RFC3: variants seen among roughly 807,000 people sequenced by gnomAD.
RFC3 encodes A1 38 kDa subunit.
RFC3 carries 41 observed loss-of-function variants against 45.1 expected under a neutral mutation model. That is an observed-to-expected ratio of 0.91 (90% CI 0.71 to 1.18). The LOEUF is 1.18. RFC3 is among the 50% of genes most tolerant of loss of function. RFC3 has a pLI of 0.00. For missense variants in RFC3, 423 were observed against 428.1 expected (o/e 0.99, Z 0.10); for synonymous variants, 149 against 144.0 (o/e 1.03, Z -0.25).
intron 8 of RFC3, among the ~76,000 whole-genome samples, chr13:33,877,075 A>G (rs1297637027): frequency 6.6e-6 from 1 of 152,232 alleles, no homozygotes; most frequent in African/African-American, 2.4e-5. Flanking sequence ...TTACTAAATC[A>G]GGCTAAGTGC....
chr13:33,925,890 G>T (rs1039999334), intron 8 of RFC3, among the ~76,000 whole-genome samples: 4 of 151,842 alleles, frequency 2.6e-5, no homozygotes, highest in African/African-American at 9.7e-5. Context: ...TATCAAATAA[G>T]AATGTAAAGA....
chr13:33,905,913 G>A (rs1023192204), intron 8 of RFC3, among the ~76,000 whole-genome samples: 1 of 152,026 alleles, frequency 6.6e-6, no homozygotes, highest in South Asian at 2.1e-4. Context: ...AGTCTTAAAG[G>A]CATATTGATA....
At chr13:33,905,002 T>C (rs574241346) in intron 8 of RFC3, among the ~76,000 whole-genome samples, 1 of 152,254 alleles carries the variant, frequency 6.6e-6, no homozygotes, top group African/African-American at 2.4e-5. Context: ...GCAATTATCT[T>C]TGGTGGAAAG....
chr13:33,933,152 A>G (rs1013078619), intron 8 of RFC3, among the ~76,000 whole-genome samples: 7 of 152,160 alleles, frequency 4.6e-5, no homozygotes, highest in African/African-American at 1.4e-4. Flanking sequence ...CAAACAATAC[A>G]TTCTTCAGAT....
At chr13:33,902,449 TATTA>T (rs2082647459) in intron 8 of RFC3, among the ~76,000 whole-genome samples, 1 of 152,100 alleles carries the variant, frequency 6.6e-6, no homozygotes, top group African/African-American at 2.4e-5. Flanking sequence ...CCATGTCACT[TATTA>T]ATTATATGGA....
the RFC3 span, among the ~76,000 whole-genome samples, chr13:33,971,679 A>G: frequency 1.3e-5 from 2 of 152,258 alleles, no homozygotes; most frequent in Admixed American, 6.5e-5. Flanking sequence ...TCATCACAAG[A>G]ACATACCAAG....
intron 4 of RFC3, among the ~76,000 whole-genome samples, chr13:33,827,345 G>A (rs2082059637): frequency 6.6e-6 from 1 of 152,128 alleles, no homozygotes; most frequent in Non-Finnish European, 1.5e-5. Flanking sequence ...GACTTGTCAT[G>A]TTGAATTTGC....
intron 8 of RFC3, among the ~76,000 whole-genome samples, chr13:33,951,375 G>A (rs1368202034): frequency 2.0e-5 from 3 of 151,788 alleles, no homozygotes; most frequent in African/African-American, 7.3e-5. Context: ...GGGAATACAG[G>A]TGCATGCCAC....
chr13:33,894,506 C>T (rs1338175166), intron 8 of RFC3, among the ~76,000 whole-genome samples: 1 of 152,086 alleles, frequency 6.6e-6, no homozygotes, highest in East Asian at 1.9e-4. Context: ...AACCCTTGGC[C>T]AGAACTGAGG....
At chr13:33,903,049 A>G (rs1030323588) in intron 8 of RFC3, among the ~76,000 whole-genome samples, 1 of 152,084 alleles carries the variant, frequency 6.6e-6, no homozygotes, top group African/African-American at 2.4e-5. Context: ...CAACCTTACT[A>G]TAACTCCCTT....
At chr13:33,889,625 A>G (rs1329287583) in intron 8 of RFC3, among the ~76,000 whole-genome samples, 3 of 152,154 alleles carry the variant, frequency 2.0e-5, no homozygotes, top group Non-Finnish European at 4.4e-5. Context: ...AGCTATAATC[A>G]CCATACTATG....
chr13:33,880,714 T>G (rs2082477407), intron 8 of RFC3, among the ~76,000 whole-genome samples: 1 of 152,194 alleles, frequency 6.6e-6, no homozygotes, highest in African/African-American at 2.4e-5. Flanking sequence ...ACCTTACATT[T>G]TAATTCTCTA....
chr13:33,835,618 G>T (rs1022105439), intron 8 of RFC3, among the ~76,000 whole-genome samples: 6 of 152,126 alleles, frequency 3.9e-5, no homozygotes, highest in African/African-American at 1.2e-4. Context: ...ATAGAAACAA[G>T]TACGTGTATA....
At chr13:33,820,902 C>CATAT (rs1566375196) in intron 1 of RFC3, among the ~76,000 whole-genome samples, 1 of 90,632 alleles carries the variant, frequency 1.1e-5, no homozygotes, top group Non-Finnish European at 2.4e-5. Context: ...AACTTTTCAG[C>CATAT]ATATATATAT....
chr13:33,926,593 T>C (rs2082815274), intron 8 of RFC3, among the ~76,000 whole-genome samples: 1 of 152,160 alleles, frequency 6.6e-6, no homozygotes, highest in Admixed American at 6.6e-5. Context: ...TAAGTTTTAC[T>C]TTAGTTCAAA....
At chr13:33,844,170 G>T (rs1462340526) in intron 8 of RFC3, among the ~76,000 whole-genome samples, 1 of 152,184 alleles carries the variant, frequency 6.6e-6, no homozygotes, top group African/African-American at 2.4e-5. Flanking sequence ...AAGCTCTCTT[G>T]TTCTCTCTTT....
At chr13:33,931,424 G>T (rs545755493) in intron 8 of RFC3, among the ~76,000 whole-genome samples, 1 of 152,174 alleles carries the variant, frequency 6.6e-6, no homozygotes, top group South Asian at 2.1e-4. Context: ...CTTTTGGTCT[G>T]GGGACAACAC....
At chr13:33,821,952 T>C (rs1282139390) in intron 2 of RFC3, among the ~76,000 whole-genome samples, 1 of 152,258 alleles carries the variant, frequency 6.6e-6, no homozygotes, top group Non-Finnish European at 1.5e-5. Flanking sequence ...AAAGATTGTA[T>C]TTGTTTTGAC....
downstream of RFC3, among the ~76,000 whole-genome samples, chr13:33,966,799 T>C (rs1287413026): frequency 6.6e-6 from 1 of 152,194 alleles, no homozygotes; most frequent in Non-Finnish European, 1.5e-5. Flanking sequence ...ATACAAGATC[T>C]CAATTTCTTG....
Sources: allele counts gnomAD v4.1 joint callset (sites outside exome capture counted in the v4.1 genomes callset), GRCh38; gene constraint gnomAD v4.1.1; transcripts MANE v1.5; gene names NCBI Gene and HGNC (gene_info 2026-07-23, HGNC 2026-07-21).